GRIN2A: variants seen among roughly 807,000 people sequenced by gnomAD.
GRIN2A encodes the protein glutamate ionotropic receptor NMDA type subunit 2A.
In GRIN2A, 22 loss-of-function variants were observed where a neutral mutation model predicts 113.4. The observed-to-expected ratio is 0.19, with a 90% CI of 0.14 to 0.28. The LOEUF (loss-of-function observed/expected upper bound fraction) is 0.28. Ranked by LOEUF, GRIN2A falls within the 10% of genes least tolerant of loss-of-function variation. The pLI is 1.00. For synonymous variants in GRIN2A, 827 were observed against 738.4 expected (o/e 1.12, Z -1.94); for missense variants, 1,502 against 1,887.0 (o/e 0.80, Z 3.78).
chr16:9,910,805 T>C (rs2044119896), intron 3 of GRIN2A, among the ~76,000 whole-genome samples: 1 of 152,148 alleles, frequency 6.6e-6, no homozygotes, highest in African/African-American at 2.4e-5. Flanking sequence ...CCCAAAGTGC[T>C]GGGATTACAG....
At chr16:9,923,261 C>T (rs529055887) in intron 3 of GRIN2A, among the ~76,000 whole-genome samples, 1 of 152,056 alleles carries the variant, frequency 6.6e-6, no homozygotes, top group African/African-American at 2.4e-5. Flanking sequence ...CTTATTAATA[C>T]AGCCAGTCCA....
At chr16:9,956,596 G>A (rs1307178866) in intron 2 of GRIN2A, among the ~76,000 whole-genome samples, 1 of 152,094 alleles carries the variant, frequency 6.6e-6, no homozygotes, top group Non-Finnish European at 1.5e-5. Context: ...ATCCAGTAGT[G>A]AACAAAAACA....
At chr16:9,948,843 T>G (rs2045092700) in intron 2 of GRIN2A, among the ~76,000 whole-genome samples, 1 of 152,150 alleles carries the variant, frequency 6.6e-6, no homozygotes, top group African/African-American at 2.4e-5. Flanking sequence ...GCAAAGAAAA[T>G]GACCCCAGGG....
intron 2 of GRIN2A, among the ~76,000 whole-genome samples, chr16:10,107,779 T>A (rs1255981230): frequency 6.6e-6 from 1 of 152,140 alleles, no homozygotes; most frequent in Non-Finnish European, 1.5e-5. Context: ...GACACTCAAC[T>A]CACAGTTGCA....
intron 2 of GRIN2A, chr16:10,121,214 T>C (rs1078695): frequency 0.48 from 72,601 of 152,254 alleles, 17,526 homozygotes; most frequent in Admixed American, 0.54. Context: ...CCACAGACAG[T>C]TACATTGAGC....
chr16:10,039,808 G>GGGGGGAGAGAGAGAGAGA (rs1555469298), intron 2 of GRIN2A, among the ~76,000 whole-genome samples: 1 of 63,812 alleles, frequency 1.6e-5, no homozygotes, highest in Non-Finnish European at 2.9e-5. Context: ...GGGAGGGGGG[G>GGGGGGAGAGAGAGAGAGA]GAGAAAGAGA....
Position 9,827,978 on chromosome 16 carries a change from T to C in GRIN2A, c.2007+1445A>G, listed in dbSNP as rs570142872. Among the ~76,000 whole-genome samples, 176 of 152,320 alleles carry C rather than the reference T, an allele frequency of 1.2e-3. 2 individuals are homozygous for C. Among genetic ancestry groups the C allele is most frequent in the African/African-American group, 4.2e-3 (175 of 41,564 alleles). ...TCCTTGATGTTTACTTGTGTATTGCTTATTTTTTTCCTACTAGAATTTAAG... is the reference window on the plus strand; with the variant it reads ...TCCTTGATGTTTACTTGTGTATTGCCTATTTTTTTCCTACTAGAATTTAAG... On this transcript the variant is annotated intron_variant, in intron 9 of 12. Transcript: ENST00000330684.
chr16:10,062,734 A>G (rs1269207642), intron 2 of GRIN2A, among the ~76,000 whole-genome samples: 1 of 152,122 alleles, frequency 6.6e-6, no homozygotes, highest in African/African-American at 2.4e-5. Context: ...GTGTGATGGC[A>G]TATGTCTATA....
In GRIN2A at chr16:9,840,344, G is replaced by A. The variant is rs541444473; in HGVS notation, c.1651+303C>T. 1.7e-4 allele frequency among the ~76,000 whole-genome samples: 26 copies of A among 152,020 alleles called. No homozygotes were observed. In the South Asian group the frequency reaches 1.9e-3, roughly 11 times the overall value. On this transcript the variant is annotated intron_variant, in intron 7 of 12. Coordinates refer to ENST00000330684, the MANE Select transcript of GRIN2A (RefSeq NM_001134407.3). ...TATAATGAGAGCCCCTTATTAAACC[G>A]TCAGATCTCATGAGAACTCACTCAT...
In GRIN2A at chr16:9,769,216, T is replaced by G; in HGVS notation, c.2357-127A>C. ...TAACCTTAAGACAAGTTTCTGAGTT[T>G]GCTGGGTTTCCATTTGCTCACTTCT... On this transcript the variant is annotated intron_variant, in intron 11 of 12. Coordinates refer to ENST00000330684, the MANE Select transcript of GRIN2A (RefSeq NM_001134407.3). 3 of 761,948 alleles carry G rather than the reference T, an allele frequency of 3.9e-6. No individual in the cohort carries two copies. In the Admixed American group the frequency reaches 5.9e-5, roughly 15 times the overall value. The allele number at this position is 761,948 out of a possible 1,614,324, so 47.2% of individuals were successfully genotyped here.
intron 4 of GRIN2A, among the ~76,000 whole-genome samples, chr16:9,864,440 T>TC (rs34309354): frequency 0.31 from 47,272 of 151,906 alleles, 7,537 homozygotes; most frequent in African/African-American, 0.35. Flanking sequence ...AGTTTTTTTT[T>TC]AAATGAAAAC....
At chr16:10,117,229 G>C (rs564196441) in intron 2 of GRIN2A, among the ~76,000 whole-genome samples, 32 of 152,296 alleles carry the variant, frequency 2.1e-4, no homozygotes, top group Admixed American at 3.9e-4. Flanking sequence ...GATGGTAGCA[G>C]TGATTTTATT....
At chr16:10,070,613 TAAG>T (rs2047731143) in intron 2 of GRIN2A, among the ~76,000 whole-genome samples, 1 of 152,236 alleles carries the variant, frequency 6.6e-6, no homozygotes, top group South Asian at 2.1e-4. Context: ...GAGATATTTA[TAAG>T]GTTTCCCTTC....
intron 2 of GRIN2A, among the ~76,000 whole-genome samples, chr16:10,096,446 T>C (rs2048290675): frequency 6.6e-6 from 1 of 152,112 alleles, no homozygotes; most frequent in Non-Finnish European, 1.5e-5. Context: ...TCGGGGTTTC[T>C]GATGTTCACT....
chr16:9,779,334 T>C (rs748299502), intron 11 of GRIN2A, among the ~76,000 whole-genome samples: 1 of 152,240 alleles, frequency 6.6e-6, no homozygotes, highest in Non-Finnish European at 1.5e-5. Flanking sequence ...AGTAAAATTA[T>C]CTCACTGCTT....
intron 2 of GRIN2A, among the ~76,000 whole-genome samples, chr16:10,052,890 A>C (rs2047382786): frequency 6.6e-6 from 1 of 152,078 alleles, no homozygotes; most frequent in Admixed American, 6.5e-5. Flanking sequence ...TCTACTAAAA[A>C]TACAACAATT....
chr16:10,179,424 A>C, intron 2 of GRIN2A: 1 of 159,916 alleles, frequency 6.3e-6, no homozygotes, highest in Non-Finnish European at 1.4e-5. Context: ...CAAACTCCCC[A>C]CCTCTGTTCC....
At chr16:9,882,487 A>G in intron 4 of GRIN2A, among the ~76,000 whole-genome samples, 1 of 152,202 alleles carries the variant, frequency 6.6e-6, no homozygotes, top group East Asian at 1.9e-4. Context: ...AAACTACTGT[A>G]GACCAAAAAA....
intron 5 of GRIN2A, 126 bp from the exon 6 acceptor site, chr16:9,841,230 C>T: frequency 2.5e-6 from 2 of 787,308 alleles, no homozygotes; most frequent in Non-Finnish European, 4.4e-6. Flanking sequence ...GTGGCTTTCC[C>T]AAGGACACAC....
Sources: gnomAD v4.1 joint callset for allele counts (sites outside exome capture counted in the v4.1 genomes callset) on GRCh38, gnomAD v4.1.1 for gene constraint, MANE v1.5 for transcripts, NCBI Gene and HGNC (gene_info 2026-07-23, HGNC 2026-07-21) for gene names.